MYO9A: variants seen among roughly 807,000 people sequenced by gnomAD.
MYO9A encodes the protein unconventional myosin-IXa.
In MYO9A, 103 loss-of-function variants were observed where a neutral mutation model predicts 293.3. The observed-to-expected ratio is 0.35, with a 90% confidence interval of 0.30 to 0.41. The LOEUF (loss-of-function observed/expected upper bound fraction) is 0.41. Ranked by LOEUF, MYO9A falls within the 10% of genes least tolerant of loss-of-function variation. MYO9A has a pLI of 1.00. For missense variants in MYO9A, 2,685 were observed against 3,033.0 expected, an observed-to-expected ratio of 0.89 and a Z score of 2.69; for synonymous variants, 1,001 against 1,035.7, an observed-to-expected ratio of 0.97 and a Z score of 0.64.
chr15:71,995,168 T>TC, intron 9 of MYO9A, among the ~76,000 whole-genome samples: 1 of 152,160 alleles, frequency 6.6e-6, no homozygotes, highest in East Asian at 1.9e-4. Flanking sequence ...GGATATATAT[T>TC]CCCCCTAGGA....
intron 32 of MYO9A, among the ~76,000 whole-genome samples, chr15:71,871,223 A>T (rs2056501330): frequency 6.6e-6 from 1 of 151,744 alleles, no homozygotes; most frequent in Non-Finnish European, 1.5e-5. Flanking sequence ...AAATGAAAAA[A>T]TATTTAGCTA....
At position 72,027,788 on chromosome 15, in the gene MYO9A, T is replaced by C. The variant is rs149356614; in HGVS notation, c.941A>G (p.Tyr314Cys). Reference sequence around the variant, plus strand: ...CTTCTCCAGTAGATATTTTTCAACATAGGCACTACAAGAAAAATTAAATTG... The same window carrying C: ...CTTCTCCAGTAGATATTTTTCAACACAGGCACTACAAGAAAAATTAAATTG... ...YQETGTVLGA[Y>C]VEKYLLEKSR... The change falls in exon 4 of 42, where the codon TAT (tyrosine) becomes TGT (cysteine). Residue 314 changes from tyrosine to cysteine, a missense_variant. Physicochemically the swap from Tyr to Cys is radical, Grantham distance 194 (BLOSUM62 -2). Transcript: ENST00000356056. 98 of 1,603,742 alleles carry C rather than the reference T, an allele frequency of 6.1e-5. No homozygotes were observed. Among genetic ancestry groups the C allele is most frequent in the Non-Finnish European group, 7.9e-5 (93 of 1,174,894 alleles).
At chr15:72,027,818 A>G in intron 3 of MYO9A, 25 bp from the exon 4 acceptor site, 1 of 1,520,398 alleles carries the variant, frequency 6.6e-7, no homozygotes, top group Non-Finnish European at 9.0e-7. Context: ...AAATTGGTTG[A>G]TATAAATAAT....
At position 71,825,234 on chromosome 15, in the gene MYO9A, T is replaced by G. The variant is rs2054427448; in HGVS notation, c.*1346A>C. ...AGACCACCCAGTGGTGAAAATGATG[T>G]CTTACTAATTCCCTCAACCCAGGGA... On this transcript the variant is annotated 3_prime_UTR_variant, in exon 42 of 42. Transcript: ENST00000356056. 2 of 152,194 alleles carry G rather than the reference T, an allele frequency of 1.3e-5. No individual in the cohort carries two copies. Among genetic ancestry groups the G allele is most frequent in the South Asian group, 4.1e-4 (2 of 4,830 alleles). The allele number at this position is 152,194 out of a possible 1,614,324, so 9.4% of individuals were successfully genotyped here.
intron 32 of MYO9A, among the ~76,000 whole-genome samples, chr15:71,871,294 G>A (rs1023079840): frequency 5.3e-5 from 8 of 152,062 alleles, no homozygotes; most frequent in African/African-American, 1.4e-4. Context: ...AGGACTGCTC[G>A]AGCCCAAGAG....
chr15:71,935,120 T>C (rs2058600747), intron 17 of MYO9A: 2 of 447,506 alleles, frequency 4.5e-6, no homozygotes, highest in Admixed American at 3.6e-5. Flanking sequence ...ATTCTCCTGG[T>C]AATATGGGGG....
intron 2 of MYO9A, among the ~76,000 whole-genome samples, chr15:72,033,479 T>C (rs2077941851): frequency 6.6e-6 from 1 of 152,192 alleles, no homozygotes; most frequent in Non-Finnish European, 1.5e-5. Flanking sequence ...AATGGAATAC[T>C]GCCCAGGAAT....
chr15:71,974,163 T>C (rs2076081112), intron 12 of MYO9A, among the ~76,000 whole-genome samples: 1 of 152,066 alleles, frequency 6.6e-6, no homozygotes, highest in Non-Finnish European at 1.5e-5. Flanking sequence ...TGGACAATCA[T>C]CATCTTTTCA....
At chr15:72,035,469 C>T (rs997471876) in intron 2 of MYO9A, among the ~76,000 whole-genome samples, 6 of 152,052 alleles carry the variant, frequency 3.9e-5, no homozygotes, top group Non-Finnish European at 8.8e-5. Flanking sequence ...ATTTTAACAA[C>T]CTGGATGAAT....
rs1044768983 is a variant in MYO9A, at chr15:71,909,705, A to C, written c.2686-4699T>G. On this transcript the variant is annotated intron_variant, in intron 19 of 41. Coordinates refer to ENST00000356056, the MANE Select transcript of MYO9A (RefSeq NM_006901.4). ...TCACAGTCTACTTACTTAAGAGTCG[A>C]TATTTCACAAGTTCAAGTAAAACAA... 1.3e-5 allele frequency among the ~76,000 whole-genome samples: 2 copies of C among 152,342 alleles called. 1 individual carries two copies. Among genetic ancestry groups the C allele is most frequent in the Middle Eastern group, 6.8e-3 (2 of 294 alleles).
intron 3 of MYO9A, 62 bp from the exon 4 acceptor site, chr15:72,027,855 T>C: frequency 8.4e-7 from 1 of 1,189,248 alleles, no homozygotes; most frequent in Non-Finnish European, 1.2e-6. Context: ...CAGAAAAATA[T>C]TTGGAGACAG....
At chr15:72,054,925 A>G (rs2078677973) in intron 1 of MYO9A, among the ~76,000 whole-genome samples, 1 of 151,922 alleles carries the variant, frequency 6.6e-6, no homozygotes. Context: ...TTTTACTGAA[A>G]GAATTAAAAA....
At chr15:71,911,342 A>C (rs1347765631) in intron 19 of MYO9A, among the ~76,000 whole-genome samples, 1 of 152,200 alleles carries the variant, frequency 6.6e-6, no homozygotes, top group Non-Finnish European at 1.5e-5. Flanking sequence ...AAGGGAATTC[A>C]TACTTCTACA....
intron 14 of MYO9A, among the ~76,000 whole-genome samples, chr15:71,957,185 T>C (rs1596280191): frequency 6.6e-6 from 1 of 152,172 alleles, no homozygotes; most frequent in African/African-American, 2.4e-5. Context: ...AGTGGCTACA[T>C]CAGTAGTATA....
intron 13 of MYO9A, among the ~76,000 whole-genome samples, chr15:71,961,866 T>C (rs1022075995): frequency 1.3e-5 from 2 of 152,104 alleles, no homozygotes; most frequent in Non-Finnish European, 2.9e-5. Context: ...AGTACAGATG[T>C]GCATCACCAC....
At chr15:71,954,629 T>C (rs1444661012) in intron 14 of MYO9A, among the ~76,000 whole-genome samples, 1 of 152,248 alleles carries the variant, frequency 6.6e-6, no homozygotes, top group Non-Finnish European at 1.5e-5. Context: ...TCAGACCCCA[T>C]ACTCATATAT....
At chr15:72,016,280 T>TA (rs539417832) in intron 6 of MYO9A, among the ~76,000 whole-genome samples, 15 of 147,712 alleles carry the variant, frequency 1.0e-4, no homozygotes, top group South Asian at 4.3e-4. Context: ...TGCCAAAGCT[T>TA]AAAAAAAAAA....
intron 8 of MYO9A, among the ~76,000 whole-genome samples, chr15:72,003,721 A>AG (rs2076939720): frequency 6.6e-6 from 1 of 151,684 alleles, no homozygotes; most frequent in South Asian, 2.1e-4. Context: ...AAAAAAAAAA[A>AG]TAAGAACTCA....
chr15:72,011,882 C>T (rs962341506), intron 6 of MYO9A, among the ~76,000 whole-genome samples: 2 of 152,088 alleles, frequency 1.3e-5, no homozygotes, highest in African/African-American at 4.8e-5. Flanking sequence ...AACTGCAGAT[C>T]CCCAGTGCGA....
Sources: gnomAD v4.1 joint callset for allele counts (sites outside exome capture counted in the v4.1 genomes callset) on GRCh38, gnomAD v4.1.1 for gene constraint, MANE v1.5 for transcripts, NCBI Gene and HGNC (gene_info 2026-07-23, HGNC 2026-07-21) for gene names.